CADPS2: variants seen among roughly 807,000 people sequenced by gnomAD.
CADPS2 encodes the protein calcium dependent secretion activator 2.
In CADPS2, 93 loss-of-function variants were observed where a neutral mutation model predicts 172.5. The ratio of observed to expected loss-of-function variants is 0.54; its 90% CI spans 0.46 to 0.64. The LOEUF is 0.64. Ranked by LOEUF, CADPS2 falls within the 30% of genes least tolerant of loss-of-function variation. The pLI is 0.00. For missense variants in CADPS2, 1,420 were observed against 1,565.9 expected (o/e 0.91, Z 1.57); for synonymous variants, 546 against 555.2 (o/e 0.98, Z 0.23).
chr7:122,817,670 C>G (rs1028122868), intron 1 of CADPS2, among the ~76,000 whole-genome samples: 1 of 151,912 alleles, frequency 6.6e-6, no homozygotes, highest in Non-Finnish European at 1.5e-5. Context: ...AATCCCTTCT[C>G]TCCTTGTCTC....
At chr7:122,857,055 T>A (rs1159396110) in intron 1 of CADPS2, among the ~76,000 whole-genome samples, 1 of 152,194 alleles carries the variant, frequency 6.6e-6, no homozygotes, top group Non-Finnish European at 1.5e-5. Context: ...TTATGATTTG[T>A]ATGTATGAGG....
chr7:122,334,673 A>G (rs987988421), intron 28 of CADPS2, among the ~76,000 whole-genome samples: 9 of 152,214 alleles, frequency 5.9e-5, no homozygotes, highest in Non-Finnish European at 1.3e-4. Flanking sequence ...TAGCAAGTTT[A>G]CAGTCATCCA....
chr7:122,503,913 A>G lies in CADPS2; in HGVS notation c.1542+9336T>C, dbSNP rs944222540. Among the ~76,000 whole-genome samples, 41 of 152,190 alleles carry G rather than the reference A, an allele frequency of 2.7e-4. 1 individual carries two copies. The highest frequency in any genetic ancestry group is 5.9e-5 in the Non-Finnish European group (4 of 68,030). On this transcript the variant is annotated intron_variant, in intron 9 of 29. Coordinates refer to ENST00000449022, the MANE Select transcript of CADPS2 (RefSeq NM_017954.11). ...TTTGGGTGATGAATTGTTTTGCAGG[A>G]AAACAAAGCAGAGGAAAGAGACATT...
Position 122,345,557 on chromosome 7 carries a change from C to T in CADPS2, c.3612+17G>A. On this transcript the variant is annotated intron_variant, in intron 28 of 29. Coordinates refer to ENST00000449022, the MANE Select transcript of CADPS2 (RefSeq NM_017954.11). ...TTATCTATGGTGTCAGCATACCTTG[C>T]AAGGGAAGCTACTTACATCAAATAA... The T allele has an allele frequency of 6.9e-7, 1 of 1,450,978 alleles. No individual in the cohort carries two copies. The highest frequency in any genetic ancestry group is 9.7e-7 in the Non-Finnish European group (1 of 1,035,306). 89.9% of individuals were successfully genotyped at this position (1,450,978 alleles called of 1,614,324 possible).
intron 1 of CADPS2, among the ~76,000 whole-genome samples, chr7:122,773,455 A>T (rs1260776837): frequency 6.6e-6 from 1 of 152,086 alleles, no homozygotes; most frequent in African/African-American, 2.4e-5. Flanking sequence ...GACATTGTTT[A>T]AACTTTAAAG....
intron 28 of CADPS2, among the ~76,000 whole-genome samples, chr7:122,326,329 A>T (rs1405662496): frequency 6.6e-6 from 1 of 151,994 alleles, no homozygotes; most frequent in Non-Finnish European, 1.5e-5. Flanking sequence ...CAACTCTCTT[A>T]AGAGAAAAAC....
rs869077766 is a variant in CADPS2, at chr7:122,574,445, T to TAAAAAAAAAAAAAA, written c.1335+6720_1335+6733dup. On this transcript the variant is annotated intron_variant, in intron 7 of 29. Coordinates refer to ENST00000449022, the MANE Select transcript of CADPS2 (RefSeq NM_017954.11). ...TGGGTGATAGAGTGAGACCCTGTCT[T>TAAAAAAAAAAAAAA]AAAAAAAAAAAAAAAAAAAAAAAGT... 1.7e-3 allele frequency among the ~76,000 whole-genome samples: 64 copies of TAAAAAAAAAAAAAA among 37,970 alleles called. 6 individuals carry two copies. Among genetic ancestry groups the TAAAAAAAAAAAAAA allele is most frequent in the South Asian group, 5.5e-3 (3 of 546 alleles). 24.9% of individuals were successfully genotyped at this position (37,970 alleles called of 152,430 possible).
At chr7:122,586,754 T>C (rs1396003067) in intron 6 of CADPS2, among the ~76,000 whole-genome samples, 1 of 151,974 alleles carries the variant, frequency 6.6e-6, no homozygotes, top group Non-Finnish European at 1.5e-5. Flanking sequence ...AAAACACACA[T>C]TCCTTAATTT....
chr7:122,831,109 A>T (rs1806405237), intron 1 of CADPS2, among the ~76,000 whole-genome samples: 1 of 152,186 alleles, frequency 6.6e-6, no homozygotes. Flanking sequence ...CTACCATGCA[A>T]AACTCAATGA....
chr7:122,699,723 G>T (rs2085724100), intron 2 of CADPS2, among the ~76,000 whole-genome samples: 1 of 152,156 alleles, frequency 6.6e-6, no homozygotes, highest in South Asian at 2.1e-4. Context: ...AGACTGACAG[G>T]AGTAAAGAAA....
At chr7:122,817,535 T>C (rs182507596) in intron 1 of CADPS2, among the ~76,000 whole-genome samples, 1 of 152,222 alleles carries the variant, frequency 6.6e-6, no homozygotes, top group Admixed American at 6.5e-5. Flanking sequence ...TGTTTAATCA[T>C]TGCAGGGACG....
chr7:122,731,372 C>T (rs1249126704), intron 2 of CADPS2, among the ~76,000 whole-genome samples: 1 of 151,620 alleles, frequency 6.6e-6, no homozygotes, highest in Non-Finnish European at 1.5e-5. Context: ...AGAGAAAGAC[C>T]ATTTACTTTT....
At chr7:122,336,188 AT>A (rs1179934189) in intron 28 of CADPS2, among the ~76,000 whole-genome samples, 2 of 152,028 alleles carry the variant, frequency 1.3e-5, no homozygotes, top group Admixed American at 1.3e-4. Flanking sequence ...CCTTACACAG[AT>A]TTTTTTTCTT....
intron 6 of CADPS2, among the ~76,000 whole-genome samples, chr7:122,611,041 CA>C (rs2074231041): frequency 1.3e-5 from 2 of 152,118 alleles, no homozygotes; most frequent in South Asian, 4.1e-4. Flanking sequence ...GAGATCATAT[CA>C]TTACTTACAA....
At chr7:122,622,013 C>T (rs1437149973) in intron 4 of CADPS2, among the ~76,000 whole-genome samples, 1 of 152,104 alleles carries the variant, frequency 6.6e-6, no homozygotes, top group Non-Finnish European at 1.5e-5. Flanking sequence ...ACTCTGAAAA[C>T]ATGCATGGAA....
intron 1 of CADPS2, among the ~76,000 whole-genome samples, chr7:122,880,363 T>A (rs1244781303): frequency 6.6e-6 from 1 of 152,226 alleles, no homozygotes; most frequent in Non-Finnish European, 1.5e-5. Context: ...AGACACCTTT[T>A]ATAAGTCTAA....
At chr7:122,529,412 T>C (rs777121795) in intron 8 of CADPS2, among the ~76,000 whole-genome samples, 26 of 152,112 alleles carry the variant, frequency 1.7e-4, no homozygotes, top group Admixed American at 6.6e-5. Flanking sequence ...TCCCTAATTT[T>C]ACAACTATTA....
intron 1 of CADPS2, among the ~76,000 whole-genome samples, chr7:122,810,485 G>A (rs1799782732): frequency 6.6e-6 from 1 of 152,168 alleles, no homozygotes; most frequent in African/African-American, 2.4e-5. Context: ...GGAGACCACA[G>A]TAATCAGGGA....
chr7:122,394,812 CATG>C (rs1332900994), intron 20 of CADPS2, among the ~76,000 whole-genome samples: 1 of 152,030 alleles, frequency 6.6e-6, no homozygotes, highest in Admixed American at 6.6e-5. Flanking sequence ...AGAGGAGTGA[CATG>C]ATATGATCTC....
Sources: allele counts gnomAD v4.1 joint callset (sites outside exome capture counted in the v4.1 genomes callset), GRCh38; gene constraint gnomAD v4.1.1; transcripts MANE v1.5; gene names NCBI Gene and HGNC (gene_info 2026-07-23, HGNC 2026-07-21).